The following TGM7 variants were observed in gnomAD, a reference collection of about 807,000 sequenced individuals.
TGM7 encodes the protein protein-glutamine gamma-glutamyltransferase Z.
In TGM7, 74 loss-of-function variants were observed where a neutral mutation model predicts 79.5. The ratio of observed to expected loss-of-function variants is 0.93; its 90% CI spans 0.77 to 1.13. The LOEUF is 1.13. Among genes scored for constraint, TGM7 ranks in the 50% most tolerant of loss-of-function variants. The pLI is 0.00. For synonymous variants in TGM7, 354 were observed against 362.5 expected (o/e 0.98, Z 0.27); for missense variants, 912 against 905.9 (o/e 1.01, Z -0.09).
chr15:43,301,390 G>T (rs2142426381), intron 1 of TGM7, among the ~76,000 whole-genome samples: 1 of 151,714 alleles, frequency 6.6e-6, no homozygotes, highest in East Asian at 2.0e-4. Flanking sequence ...AGCACTTTGG[G>T]AGGCCAAGGT....
In TGM7 at chr15:43,283,995, G is replaced by C. The variant is rs571782669; in HGVS notation, c.1004+819C>G. Reference sequence around the variant, plus strand: ...GGCCGAGGCGAGTGGATCATCTGAGGTCAAGAGTTCGAGACCAACATGGTG... The same window carrying C: ...GGCCGAGGCGAGTGGATCATCTGAGCTCAAGAGTTCGAGACCAACATGGTG... On this transcript the variant is annotated intron_variant, in intron 7 of 12. Transcript: ENST00000452443. 3.3e-5 allele frequency among the ~76,000 whole-genome samples: 5 copies of C among 152,278 alleles called. 1 individual carries two copies. In the South Asian group the frequency reaches 1.0e-3, roughly 32 times the overall value.
At chr15:43,286,683 C>T (rs1253768454) in intron 6 of TGM7, among the ~76,000 whole-genome samples, 2 of 152,230 alleles carry the variant, frequency 1.3e-5, no homozygotes, top group Admixed American at 6.5e-5. Context: ...GCCTGTCTAA[C>T]AGATTCTGGC....
At chr15:43,292,656 C>G in intron 3 of TGM7, 53 bp downstream of exon 3, 1 of 1,599,300 alleles carries the variant, frequency 6.3e-7, no homozygotes, top group Non-Finnish European at 8.5e-7. Flanking sequence ...AAGAACCTCA[C>G]AGGGCCTTCC....
intron 4 of TGM7, among the ~76,000 whole-genome samples, chr15:43,290,985 G>C (rs1201174752): frequency 6.6e-6 from 1 of 152,176 alleles, no homozygotes; most frequent in Non-Finnish European, 1.5e-5. Context: ...GGGTTTTCTA[G>C]ATATACAATC....
At chr15:43,278,266 C>G (rs185711093) in intron 11 of TGM7, among the ~76,000 whole-genome samples, 7 of 152,170 alleles carry the variant, frequency 4.6e-5, no homozygotes, top group Non-Finnish European at 7.3e-5. Context: ...GGTGAGAAAA[C>G]GAGGCTTTCG....
At chr15:43,292,506 G>A (rs1013683422) in intron 3 of TGM7, among the ~76,000 whole-genome samples, 3 of 152,186 alleles carry the variant, frequency 2.0e-5, no homozygotes, top group Non-Finnish European at 1.5e-5. Flanking sequence ...ATTAGGAAAT[G>A]TTTCAATGTT....
intron 6 of TGM7, among the ~76,000 whole-genome samples, chr15:43,286,938 C>A (rs1018142841): frequency 6.6e-6 from 1 of 152,122 alleles, no homozygotes; most frequent in Non-Finnish European, 1.5e-5. Context: ...TTCCACCTGC[C>A]CCCCCATGCC....
In TGM7 at chr15:43,293,491, A is replaced by G; in HGVS notation, c.151T>C (p.Phe51Leu). ...FYLRLSFSRPFQSQNDHITFV... is the reference protein window; with the variant it reads ...FYLRLSFSRPLQSQNDHITFV... ...GTGATGTGGTCGTTCTGGGACTGGA[A>G]GGGTCGGCTGAAGCTCAGCCGGAGG... The change falls in exon 2 of 13, where the codon TTC becomes CTC. Residue 51 changes from phenylalanine (F) to leucine (L), a missense_variant. Physicochemically the swap from Phe to Leu is conservative, Grantham distance 22 (BLOSUM62 0). Transcript: ENST00000452443. 6.2e-7 allele frequency: 1 copy of G among 1,611,096 alleles called. No homozygotes were observed. Among genetic ancestry groups the G allele is most frequent in the Non-Finnish European group, 8.5e-7 (1 of 1,179,024 alleles).
At chr15:43,282,140 G>A in intron 8 of TGM7, 54 bp from the exon 9 acceptor site, 2 of 1,599,116 alleles carry the variant, frequency 1.3e-6, no homozygotes, top group African/African-American at 1.3e-5. Flanking sequence ...GGTTGTGGCT[G>A]TGGGAGGTGG....
At chr15:43,286,324 C>A (rs1194456819) in intron 6 of TGM7, among the ~76,000 whole-genome samples, 1 of 152,144 alleles carries the variant, frequency 6.6e-6, no homozygotes, top group Non-Finnish European at 1.5e-5. Flanking sequence ...TGGACCTCGT[C>A]CTTCTCCTGC....
chr15:43,300,997 T>C (rs529958039), intron 1 of TGM7, among the ~76,000 whole-genome samples: 3 of 152,270 alleles, frequency 2.0e-5, no homozygotes, highest in Non-Finnish European at 4.4e-5. Context: ...TTTGTGTTTG[T>C]TTGAGACAGG....
At chr15:43,296,269 C>A (rs887076614) in intron 1 of TGM7, among the ~76,000 whole-genome samples, 3 of 151,820 alleles carry the variant, frequency 2.0e-5, no homozygotes, top group Non-Finnish European at 4.4e-5. Context: ...ACTAAAGATA[C>A]AAAAAATTAG....
In TGM7 at chr15:43,282,503, T is replaced by C. The variant is rs1255988553; in HGVS notation, c.1108+14A>G. Reference sequence around the variant, plus strand: ...CCCACAGAGCCAGAGCCTGTTGCAATGGTCCTCACTCACCACTGCTGGTCT... The same window carrying C: ...CCCACAGAGCCAGAGCCTGTTGCAACGGTCCTCACTCACCACTGCTGGTCT... On this transcript the variant is annotated intron_variant, in intron 8 of 12. Transcript: ENST00000452443. 1.3e-6 allele frequency: 2 copies of C among 1,571,072 alleles called. No individual in the cohort carries two copies. The highest frequency in any genetic ancestry group is 1.9e-5 in the Admixed American group (1 of 53,440).
chr15:43,292,784 T>A lies in TGM7; in HGVS notation c.364A>T (p.Ile122Phe). Residue 122 changes from isoleucine to phenylalanine, a missense_variant, in exon 3 of 13, where the codon ATC becomes TTC. Physicochemically the swap from Ile to Phe is conservative, Grantham distance 21. Coordinates refer to ENST00000452443, the MANE Select transcript of TGM7 (RefSeq NM_052955.3). ...ACACTGTGACCTTGGCCCTGAGAGA[T>A]CTCTATTTTCAGAGTGTAATGGCCA... is the stretch of plus-strand genomic sequence containing the variant. The part of the protein sequence containing the change: ...VIGHYTLKIE[I>F]SQGQGHSVTY... 6.2e-7 allele frequency: 1 copy of A among 1,614,114 alleles called. No individual in the cohort carries two copies. Among genetic ancestry groups the A allele is most frequent in the Non-Finnish European group, 8.5e-7 (1 of 1,180,014 alleles).
intron 4 of TGM7, among the ~76,000 whole-genome samples, chr15:43,291,377 A>G (rs940967141): frequency 1.8e-4 from 27 of 152,196 alleles, no homozygotes; most frequent in African/African-American, 6.3e-4. Flanking sequence ...ATTGATTTGC[A>G]TGTGTTGAAG....
chr15:43,292,761 A>G lies in TGM7; in HGVS notation c.387T>C (p.Ser129=). The G allele has an allele frequency of 6.2e-7, 1 of 1,614,178 alleles. No individual in the cohort carries two copies. Among genetic ancestry groups the G allele is most frequent in the Non-Finnish European group, 8.5e-7 (1 of 1,180,034 alleles). The change falls in exon 3 of 13, where the codon AGT becomes AGC. Residue 129 remains serine (S), a synonymous_variant. Coordinates refer to ENST00000452443, the MANE Select transcript of TGM7 (RefSeq NM_052955.3). ...TGAAAGTTCCCAGCGGGTAAGTCACACTGTGACCTTGGCCCTGAGAGATCT... is the reference window on the plus strand; with the variant it reads ...TGAAAGTTCCCAGCGGGTAAGTCACGCTGTGACCTTGGCCCTGAGAGATCT... ...KIEISQGQGH[S]VTYPLGTFIL...
In TGM7 at chr15:43,282,122, G is replaced by A. The variant is rs755937563; in HGVS notation, c.1109-36C>T. The A allele has an allele frequency of 1.4e-5, 23 of 1,606,674 alleles. No homozygotes were observed. The Admixed American group carries it at 3.7e-4, about 26-fold the overall frequency. On this transcript the variant is annotated intron_variant, in intron 8 of 12. Coordinates refer to ENST00000452443, the MANE Select transcript of TGM7 (RefSeq NM_052955.3). ...AACAGGCTACTGATATGGGGGCCAG[G>A]GGCAGCTGGTTGTGGCTGTGGGAGG...
At chr15:43,296,299 C>T (rs1001201600) in intron 1 of TGM7, among the ~76,000 whole-genome samples, 2 of 151,944 alleles carry the variant, frequency 1.3e-5, no homozygotes, top group African/African-American at 4.8e-5. Flanking sequence ...GTGGCGGGCA[C>T]CTGTAATCTC....
chr15:43,291,240 C>T (rs2042962175), intron 4 of TGM7, among the ~76,000 whole-genome samples: 1 of 152,172 alleles, frequency 6.6e-6, no homozygotes, highest in Non-Finnish European at 1.5e-5. Flanking sequence ...TATGTCCCAT[C>T]AATACCTAAT....
Sources: allele counts gnomAD v4.1 joint callset (sites outside exome capture counted in the v4.1 genomes callset), GRCh38; gene constraint gnomAD v4.1.1; transcripts MANE v1.5; gene names NCBI Gene and HGNC (gene_info 2026-07-23, HGNC 2026-07-21).